GRHL2: variants seen among roughly 807,000 people sequenced by gnomAD.
GRHL2 encodes grainyhead like transcription factor 2.
Under a neutral mutation model 83.8 loss-of-function variants are expected in GRHL2, and 21 were observed. The ratio of observed to expected loss-of-function variants is 0.25; its 90% CI spans 0.18 to 0.36. GRHL2 has a LOEUF of 0.36. GRHL2 is among the 10% of genes least tolerant of loss of function. The probability of loss-of-function intolerance (pLI) is 1.00; values close to 1 mark genes in which losing one functional copy is unlikely to be tolerated. For synonymous variants in GRHL2, 280 were observed against 278.9 expected, an observed-to-expected ratio of 1.00 and a Z score of -0.04; for missense variants, 623 against 781.8, an observed-to-expected ratio of 0.80 and a Z score of 2.42.
intron 8 of GRHL2, among the ~76,000 whole-genome samples, chr8:101,616,314 G>GCA (rs1387200378): frequency 5.3e-5 from 8 of 151,884 alleles, no homozygotes; most frequent in Non-Finnish European, 7.4e-5. Context: ...GGGATTACAG[G>GCA]TGCCCACCAC....
chr8:101,624,188 CAGT>C (rs1384712335), intron 9 of GRHL2, among the ~76,000 whole-genome samples: 2 of 142,792 alleles, frequency 1.4e-5, no homozygotes, highest in Non-Finnish European at 3.0e-5. Context: ...ACACAGTACA[CAGT>C]AGGACAGTAC....
chr8:101,670,703 C>T (rs566449419), downstream of GRHL2, among the ~76,000 whole-genome samples: 7 of 152,194 alleles, frequency 4.6e-5, no homozygotes, highest in African/African-American at 1.4e-4. Flanking sequence ...GTGGCAGCCA[C>T]GGTCCTGCTG....
chr8:101,559,698 C>T (rs1811568216), intron 4 of GRHL2, among the ~76,000 whole-genome samples: 1 of 152,108 alleles, frequency 6.6e-6, no homozygotes, highest in South Asian at 2.1e-4. Context: ...ACTAACTTTG[C>T]TTGTTTATTT....
intron 2 of GRHL2, among the ~76,000 whole-genome samples, chr8:101,545,363 C>G (rs1039983704): frequency 1.4e-5 from 2 of 142,254 alleles, no homozygotes; most frequent in Non-Finnish European, 3.0e-5. Flanking sequence ...GACTTGGGCT[C>G]CAGATGAAAG....
At position 101,558,491 on chromosome 8, in the gene GRHL2, T is replaced by C. The variant is rs1231610639; in HGVS notation, c.357T>C (p.Thr119=). The C allele has an allele frequency of 6.2e-7, 1 of 1,614,186 alleles. No homozygotes were observed. Among genetic ancestry groups the C allele is most frequent in the South Asian group, 1.1e-5 (1 of 91,078 alleles). Residue 119 remains threonine (T), a synonymous_variant, in exon 4 of 16, where the codon ACT becomes ACC. Coordinates refer to ENST00000646743, the MANE Select transcript of GRHL2 (RefSeq NM_024915.4). ...AAAACCGAGTGCAAGTCCTAAAGAC[T>C]GTTCCAGTGAACCTTTCCCTAAATC... is the stretch of plus-strand genomic sequence containing the variant. ...GGENRVQVLK[T]VPVNLSLNQD...
At chr8:101,577,037 G>T (rs1811946449) in intron 6 of GRHL2, among the ~76,000 whole-genome samples, 1 of 152,094 alleles carries the variant, frequency 6.6e-6, no homozygotes, top group Non-Finnish European at 1.5e-5. Flanking sequence ...TGTTTAAGGA[G>T]TAGAAATTTC....
At chr8:101,627,446 G>A (rs1813101849) in intron 9 of GRHL2, among the ~76,000 whole-genome samples, 1 of 152,064 alleles carries the variant, frequency 6.6e-6, no homozygotes, top group East Asian at 1.9e-4. Context: ...ATTGATCAGT[G>A]TTGTGTATGT....
rs1276370133 is a variant in GRHL2, at chr8:101,636,745, A to ACACG, written c.1486-149_1486-148insGCAC. The stretch of plus-strand genomic sequence containing the variant: ...GAAATACACACACACACACACACAC[A>ACACG]CACACACACACACACACACACTGTT... On this transcript the variant is annotated intron_variant, in intron 11 of 15. Coordinates refer to ENST00000646743, the MANE Select transcript of GRHL2 (RefSeq NM_024915.4). 6.3e-5 allele frequency: 44 copies of ACACG among 703,718 alleles called. 1 individual carries two copies. The Admixed American group carries it at 7.0e-4, about 11-fold the overall frequency. The allele number at this position is 703,718 out of a possible 1,614,324, so 43.6% of individuals were successfully genotyped here.
intron 2 of GRHL2, among the ~76,000 whole-genome samples, chr8:101,549,929 G>A (rs1437172644): frequency 6.6e-6 from 1 of 151,754 alleles, no homozygotes; most frequent in East Asian, 1.9e-4. Context: ...AACACTATAG[G>A]AATAACTATA....
Position 101,552,657 on chromosome 8 carries a change from T to C in GRHL2, c.217-58T>C, listed in dbSNP as rs113798475. The C allele has an allele frequency of 1.3e-3, 2,028 of 1,532,114 alleles. 22 individuals carry two copies. The African/African-American group carries it at 0.024, about 18-fold the overall frequency. The allele number at this position is 1,532,114 out of a possible 1,614,324, so 94.9% of individuals were successfully genotyped here. ...CTTTGCTTATGCCGGTGTCCAGCTCTGAACATGGTCATGGTTGCCTCTGTG... is the reference window on the plus strand; with the variant it reads ...CTTTGCTTATGCCGGTGTCCAGCTCCGAACATGGTCATGGTTGCCTCTGTG... On this transcript the variant is annotated intron_variant, in intron 2 of 15. Transcript: ENST00000646743.
chr8:101,566,325 G>A (rs988161774), intron 4 of GRHL2, among the ~76,000 whole-genome samples: 15 of 151,730 alleles, frequency 9.9e-5, no homozygotes, highest in African/African-American at 3.6e-4. Context: ...ATATTAACAT[G>A]GCATTTACTC....
At chr8:101,500,508 G>GTA (rs1170661160) in intron 1 of GRHL2, among the ~76,000 whole-genome samples, 2 of 152,032 alleles carry the variant, frequency 1.3e-5, no homozygotes, top group Admixed American at 6.6e-5. Context: ...TAACAAAAGT[G>GTA]TATATATATA....
chr8:101,573,545 G>A (rs1428897176), intron 5 of GRHL2, 123 bp from the exon 6 acceptor site: 2 of 1,199,078 alleles, frequency 1.7e-6, no homozygotes, highest in South Asian at 1.3e-5. Context: ...CATATGCTGT[G>A]TTTTGTCTCT....
In GRHL2 at chr8:101,656,161, C is replaced by G. The variant is rs184553081; in HGVS notation, c.1698+6662C>G. On this transcript the variant is annotated intron_variant, in intron 14 of 15. Transcript: ENST00000646743. ...TATTTGTTCCATGTTTATTGTTTCT[C>G]TCTTCCCCAGTTGAATGTCAAGTTC... is the stretch of plus-strand genomic sequence containing the variant. Among the ~76,000 whole-genome samples the G allele has an allele frequency of 2.0e-3, 310 of 152,332 alleles. 4 individuals are homozygous for G. Among genetic ancestry groups the G allele is most frequent in the South Asian group, 0.02 (98 of 4,826 alleles).
chr8:101,539,611 A>C (rs1334436099), intron 1 of GRHL2, among the ~76,000 whole-genome samples: 1 of 152,194 alleles, frequency 6.6e-6, no homozygotes, highest in Admixed American at 6.5e-5. Flanking sequence ...AGTTTTCTAC[A>C]TGGAAATGCT....
intron 1 of GRHL2, among the ~76,000 whole-genome samples, chr8:101,509,115 T>C (rs1268876697): frequency 3.7e-4 from 9 of 24,226 alleles, no homozygotes; most frequent in South Asian, 1.2e-3. Context: ...CTCTCCTTCC[T>C]TCCTTCCTTC....
intron 9 of GRHL2, among the ~76,000 whole-genome samples, chr8:101,622,310 CAAAA>C (rs1812982041): frequency 6.6e-6 from 1 of 151,916 alleles, no homozygotes; most frequent in African/African-American, 2.4e-5. Context: ...CAGGCAGAAA[CAAAA>C]TAAACAAACC....
intron 2 of GRHL2, among the ~76,000 whole-genome samples, chr8:101,552,168 C>T (rs1421588298): frequency 6.6e-6 from 1 of 152,156 alleles, no homozygotes; most frequent in African/African-American, 2.4e-5. Context: ...AGTCCACAAG[C>T]TGTGTAGGAA....
chr8:101,506,179 C>T (rs1426589082), intron 1 of GRHL2, among the ~76,000 whole-genome samples: 1 of 152,188 alleles, frequency 6.6e-6, no homozygotes, highest in African/African-American at 2.4e-5. Context: ...TGCTATTGCC[C>T]AGGCTGACTT....
Sources: allele counts gnomAD v4.1 joint callset (sites outside exome capture counted in the v4.1 genomes callset), GRCh38; gene constraint gnomAD v4.1.1; transcripts MANE v1.5; gene names NCBI Gene and HGNC (gene_info 2026-07-23, HGNC 2026-07-21).